The following ATG7 variants were observed in gnomAD, a reference collection of about 807,000 sequenced individuals.
ATG7 encodes autophagy related 7.
A neutral mutation model predicts 82.4 loss-of-function variants in ATG7; 70 were observed. The observed-to-expected ratio is 0.85, with a 90% CI of 0.70 to 1.04. The LOEUF is 1.04. ATG7 is among the 50% of genes least tolerant of loss of function. ATG7 has a pLI of 0.00. For missense variants in ATG7, 792 were observed against 864.3 expected (o/e 0.92, Z 1.05); for synonymous variants, 287 against 313.0 (o/e 0.92, Z 0.88).
At chr3:11,445,097 A>G (rs1218031561) in intron 20 of ATG7, among the ~76,000 whole-genome samples, 1 of 152,204 alleles carries the variant, frequency 6.6e-6, no homozygotes, top group Non-Finnish European at 1.5e-5. Context: ...CTTATACACT[A>G]TTGGTGGAAG....
At chr3:11,521,558 T>G (rs200857476) in intron 20 of ATG7, among the ~76,000 whole-genome samples, 8 of 4,126 alleles carry the variant, frequency 1.9e-3, no homozygotes, top group Admixed American at 7.9e-3. Context: ...GGTTTTTTTG[T>G]TTTTTTTTTT....
At chr3:11,338,423 G>A (rs1289268708) in intron 11 of ATG7, among the ~76,000 whole-genome samples, 1 of 152,198 alleles carries the variant, frequency 6.6e-6, no homozygotes. Flanking sequence ...TTGAATCTAA[G>A]AGTAGTAATA....
Position 11,331,331 on chromosome 3 carries a change from T to C in ATG7, c.679-9T>C, listed in dbSNP as rs1951619763. 6.2e-7 allele frequency: 1 copy of C among 1,601,170 alleles called. No homozygotes were observed. The highest frequency in any genetic ancestry group is 8.6e-7 in the Non-Finnish European group (1 of 1,168,634). On this transcript the variant is annotated splice_polypyrimidine_tract_variant and intron_variant, in intron 9 of 20. Coordinates refer to ENST00000693202, the MANE Select transcript of ATG7 (RefSeq NM_001349232.2). ...CTCGACTTACTCAGAAAGTCTTTTTTGTTCACAGATAACAATTGGTGTATA... is the reference window on the plus strand; with the variant it reads ...CTCGACTTACTCAGAAAGTCTTTTTCGTTCACAGATAACAATTGGTGTATA...
chr3:11,298,647 A>T (rs771562873), intron 3 of ATG7, 39 bp from the exon 4 acceptor site: 13 of 1,577,706 alleles, frequency 8.2e-6, no homozygotes, highest in Admixed American at 1.8e-5. Context: ...TTTTGCATGG[A>T]TATGTTATTT....
At chr3:11,541,090 C>T (rs112332243) in intron 20 of ATG7, among the ~76,000 whole-genome samples, 3,214 of 152,136 alleles carry the variant, frequency 0.021, 52 homozygotes, top group Non-Finnish European at 0.032. Flanking sequence ...TTAGTAGAGA[C>T]GGGGTTTCAC....
intron 20 of ATG7, among the ~76,000 whole-genome samples, chr3:11,449,124 C>T (rs1389336739): frequency 2.6e-5 from 4 of 152,234 alleles, no homozygotes; most frequent in Non-Finnish European, 5.9e-5. Flanking sequence ...TTCAAACATC[C>T]TGTGAAGGAA....
intron 12 of ATG7, among the ~76,000 whole-genome samples, 199 bp from the exon 13 acceptor site, chr3:11,341,936 C>A (rs1953709534): frequency 6.6e-6 from 1 of 152,200 alleles, no homozygotes; most frequent in African/African-American, 2.4e-5. Flanking sequence ...CTGTGGCCCC[C>A]TCGTTGCAGA....
intron 9 of ATG7, among the ~76,000 whole-genome samples, chr3:11,326,146 A>G (rs1431836965): frequency 6.6e-6 from 1 of 152,230 alleles, no homozygotes; most frequent in African/African-American, 2.4e-5. Context: ...ATTAAAACAC[A>G]TACCTGCTTA....
chr3:11,306,128 C>T (rs912529761), intron 5 of ATG7, among the ~76,000 whole-genome samples: 1 of 151,348 alleles, frequency 6.6e-6, no homozygotes, highest in African/African-American at 2.5e-5. Flanking sequence ...ACTGTGAGGC[C>T]TTTGGGGGCA....
chr3:11,313,255 T>G (rs1165431635), intron 7 of ATG7, 49 bp from the exon 8 acceptor site: 3 of 1,252,984 alleles, frequency 2.4e-6, no homozygotes, highest in Non-Finnish European at 3.4e-6. Context: ...GCATTTCACC[T>G]TAAGTTAATG....
intron 4 of ATG7, chr3:11,299,074 T>TTTTTTTTTTTTTTTTGAGACGG: frequency 1.7e-6 from 1 of 605,926 alleles, no homozygotes; most frequent in East Asian, 2.8e-5. Flanking sequence ...CTCAAATTAT[T>TTTTTTTTTTTTTTTTGAGACGG]AATCCAAATA....
chr3:11,293,874 C>T (rs1042622934), intron 3 of ATG7, among the ~76,000 whole-genome samples: 9 of 151,056 alleles, frequency 6.0e-5, no homozygotes, highest in African/African-American at 1.5e-4. Context: ...AAACATTAGC[C>T]GGGCATGGTG....
rs140301517 is a variant in ATG7, at chr3:11,403,265, C to T, written c.1956+23213C>T. Among the ~76,000 whole-genome samples the T allele has an allele frequency of 6.5e-3, 990 of 151,506 alleles. 10 individuals are homozygous for T. The highest frequency in any genetic ancestry group is 0.023 in the African/African-American group (958 of 41,282). ...GTCTTGACAAGAGTCTTTTGGAGTG[C>T]GGAGAGGAAGTCCTCATTGGAGTAA... On this transcript the variant is annotated intron_variant, in intron 19 of 20. Transcript: ENST00000693202.
chr3:11,560,009 C>G (rs2072831287), downstream of ATG7, among the ~76,000 whole-genome samples: 1 of 152,108 alleles, frequency 6.6e-6, no homozygotes, highest in Non-Finnish European at 1.5e-5. Context: ...CGGCACACAT[C>G]CCACCCCAGC....
intron 20 of ATG7, among the ~76,000 whole-genome samples, chr3:11,501,840 C>A (rs2091349102): frequency 6.6e-6 from 1 of 152,118 alleles, no homozygotes; most frequent in East Asian, 1.9e-4. Flanking sequence ...CAGGTGTGCG[C>A]CACCACATCC....
At chr3:11,376,826 C>T (rs2077450375) in intron 18 of ATG7, among the ~76,000 whole-genome samples, 1 of 152,152 alleles carries the variant, frequency 6.6e-6, no homozygotes. Context: ...GCAAGCTCCA[C>T]CTCCCGGGTT....
chr3:11,569,406 G>A, the ATG7 span, among the ~76,000 whole-genome samples: 2 of 152,226 alleles, frequency 1.3e-5, no homozygotes, highest in African/African-American at 4.8e-5. Flanking sequence ...TGAAAGAGAT[G>A]AGGCCCAGGG....
At chr3:11,559,314 G>A, downstream of ATG7, 1 of 1,520,974 alleles carries the variant, frequency 6.6e-7, no homozygotes, top group Non-Finnish European at 8.8e-7. Flanking sequence ...GACAGGTGAG[G>A]AGGCCCGGGA....
At chr3:11,405,396 A>G (rs943810243) in intron 19 of ATG7, among the ~76,000 whole-genome samples, 2 of 152,122 alleles carry the variant, frequency 1.3e-5, no homozygotes, top group Non-Finnish European at 1.5e-5. Flanking sequence ...GAGAAGTTGA[A>G]ATGCCAAAAA....
Sources: gnomAD v4.1 joint callset for allele counts (sites outside exome capture counted in the v4.1 genomes callset) on GRCh38, gnomAD v4.1.1 for gene constraint, MANE v1.5 for transcripts, NCBI Gene and HGNC (gene_info 2026-07-23, HGNC 2026-07-21) for gene names.